Variants in DRC11 observed in about 807,000 individuals in gnomAD.
DRC11 encodes dynein regulatory complex subunit 11.
the DRC11 span, among the ~76,000 whole-genome samples, chr2:236,395,977 C>T: frequency 7.2e-5 from 11 of 152,136 alleles, no homozygotes; most frequent in African/African-American, 2.4e-4. Flanking sequence ...AACAGTTGTA[C>T]GGTAGAACAC....
At chr2:236,360,595 G>A in the DRC11 span, among the ~76,000 whole-genome samples, 1 of 152,138 alleles carries the variant, frequency 6.6e-6, no homozygotes, top group Non-Finnish European at 1.5e-5. This position sits in a 1 kb window ranked among gnomAD's most constrained non-coding sequence, Gnocchi z 5.8. Context: ...GCACATGGAG[G>A]CCACAAGTCA....
chr2:236,352,870 T>C, the DRC11 span, among the ~76,000 whole-genome samples: 1 of 152,182 alleles, frequency 6.6e-6, no homozygotes, highest in Non-Finnish European at 1.5e-5. The surrounding 1 kb of genome is among the most constrained non-coding windows in gnomAD (Gnocchi z 7.0). Context: ...GGCACCTGGC[T>C]GAGAATTTCC....
the DRC11 span, among the ~76,000 whole-genome samples, chr2:236,417,913 C>A: frequency 1.3e-5 from 2 of 152,128 alleles, no homozygotes; most frequent in Non-Finnish European, 2.9e-5. Context: ...TGAACTCATT[C>A]TTTCTTATGG....
the DRC11 span, among the ~76,000 whole-genome samples, chr2:236,424,817 C>G: frequency 6.6e-6 from 1 of 151,946 alleles, no homozygotes; most frequent in South Asian, 2.1e-4. Flanking sequence ...ATTCCCTGAT[C>G]TTCCCCTCCC....
the DRC11 span, among the ~76,000 whole-genome samples, chr2:236,371,495 G>A: frequency 3.9e-5 from 6 of 152,238 alleles, no homozygotes; most frequent in South Asian, 1.2e-3. This position sits in a 1 kb window ranked among gnomAD's most constrained non-coding sequence, Gnocchi z 5.1. Flanking sequence ...ATGTGATCAG[G>A]AAGAAGCTCC....
the DRC11 span, among the ~76,000 whole-genome samples, chr2:236,319,367 T>G: frequency 3.9e-5 from 6 of 152,352 alleles, no homozygotes; most frequent in Non-Finnish European, 8.8e-5. This position sits in a 1 kb window ranked among gnomAD's most constrained non-coding sequence, Gnocchi z 6.7. Context: ...GAGCTGGGAC[T>G]TATCCAGGCT....
chr2:236,435,470 C>G, the DRC11 span, among the ~76,000 whole-genome samples: 3 of 152,204 alleles, frequency 2.0e-5, no homozygotes. Flanking sequence ...CTATAAAGAA[C>G]TGCCTGAGAC....
At chr2:236,354,282 T>TG in the DRC11 span, among the ~76,000 whole-genome samples, 20 of 55,878 alleles carry the variant, frequency 3.6e-4, no homozygotes, top group African/African-American at 1.7e-3. Context: ...TGTGTATGAG[T>TG]TTATGTTAGT....
At chr2:236,398,382 T>C in the DRC11 span, among the ~76,000 whole-genome samples, 1 of 152,236 alleles carries the variant, frequency 6.6e-6, no homozygotes, top group Non-Finnish European at 1.5e-5. This position sits in a 1 kb window ranked among gnomAD's most constrained non-coding sequence, Gnocchi z 6.2. Context: ...ACCACATTCA[T>C]ATTGTTGCTT....
chr2:236,487,654 T>C, the DRC11 span, among the ~76,000 whole-genome samples: 1 of 152,226 alleles, frequency 6.6e-6, no homozygotes, highest in Non-Finnish European at 1.5e-5. Context: ...TGGTCCCTCT[T>C]CTGTAATTAT....
chr2:236,487,172 T>C, the DRC11 span, among the ~76,000 whole-genome samples: 1 of 152,202 alleles, frequency 6.6e-6, no homozygotes, highest in Non-Finnish European at 1.5e-5. Context: ...GTAGCAGGAA[T>C]GTGAGGCTAG....
chr2:236,393,264 T>C, the DRC11 span, among the ~76,000 whole-genome samples: 1 of 152,100 alleles, frequency 6.6e-6, no homozygotes, highest in Non-Finnish European at 1.5e-5. This position sits in a 1 kb window ranked among gnomAD's most constrained non-coding sequence, Gnocchi z 4.7. Context: ...ACCTTCAACC[T>C]AGGAAGGCAG....
At chr2:236,350,793 C>T in the DRC11 span, among the ~76,000 whole-genome samples, 1 of 152,224 alleles carries the variant, frequency 6.6e-6, no homozygotes, top group East Asian at 1.9e-4. This position sits in a 1 kb window ranked among gnomAD's most constrained non-coding sequence, Gnocchi z 5.2. Context: ...AAAACCATCA[C>T]TGTCTTGCCC....
the DRC11 span, among the ~76,000 whole-genome samples, chr2:236,504,466 T>C: frequency 6.6e-6 from 1 of 152,114 alleles, no homozygotes; most frequent in Non-Finnish European, 1.5e-5. The surrounding 1 kb of genome is among the most constrained non-coding windows in gnomAD (Gnocchi z 5.0). Context: ...TAGGGCAAGG[T>C]GGTTTTCAAA....
the DRC11 span, among the ~76,000 whole-genome samples, chr2:236,350,714 G>A: frequency 0.015 from 2,227 of 152,310 alleles, 63 homozygotes; most frequent in African/African-American, 0.051. This position sits in a 1 kb window ranked among gnomAD's most constrained non-coding sequence, Gnocchi z 5.2. Context: ...GGGGAGATGG[G>A]ATGCCTATTC....
At chr2:236,400,619 C>T in the DRC11 span, among the ~76,000 whole-genome samples, 2 of 152,174 alleles carry the variant, frequency 1.3e-5, no homozygotes, top group African/African-American at 2.4e-5. This position sits in a 1 kb window ranked among gnomAD's most constrained non-coding sequence, Gnocchi z 7.9. Context: ...CTCGGGTTCC[C>T]GAAGCAGGCT....
chr2:236,473,682 T>C, the DRC11 span, among the ~76,000 whole-genome samples: 1 of 152,212 alleles, frequency 6.6e-6, no homozygotes, highest in Non-Finnish European at 1.5e-5. The surrounding 1 kb of genome is among the most constrained non-coding windows in gnomAD (Gnocchi z 4.8). Flanking sequence ...ATCCACTCCA[T>C]TGGCTCTGCC....
At chr2:236,372,231 C>T in the DRC11 span, among the ~76,000 whole-genome samples, 1 of 152,144 alleles carries the variant, frequency 6.6e-6, no homozygotes, top group Non-Finnish European at 1.5e-5. This position sits in a 1 kb window ranked among gnomAD's most constrained non-coding sequence, Gnocchi z 4.5. Context: ...TCTGTTTTCA[C>T]TAGTGGTATT....
At chr2:236,310,288 A>G in the DRC11 span, among the ~76,000 whole-genome samples, 1 of 152,160 alleles carries the variant, frequency 6.6e-6, no homozygotes, top group Non-Finnish European at 1.5e-5. The surrounding 1 kb of genome is among the most constrained non-coding windows in gnomAD (Gnocchi z 5.5). Context: ...GATGCTAAGC[A>G]TTTGGAGGAT....
Sources: gnomAD v4.1 joint callset for allele counts (sites outside exome capture counted in the v4.1 genomes callset) on GRCh38, gnomAD v4.1.1 for gene constraint, Gnocchi (gnomAD v3.1) non-coding constraint, MANE v1.5 for transcripts, NCBI Gene and HGNC (gene_info 2026-07-23, HGNC 2026-07-21) for gene names.